LUZP2: variants seen among roughly 807,000 people sequenced by gnomAD.
LUZP2 encodes leucine zipper protein 2.
Under a neutral mutation model 51.6 loss-of-function variants are expected in LUZP2, and 52 were observed. The ratio of observed to expected loss-of-function variants is 1.01; its 90% CI spans 0.81 to 1.27. The LOEUF (loss-of-function observed/expected upper bound fraction) is 1.27. Among genes scored for constraint, LUZP2 ranks in the 50% most tolerant of loss-of-function variants. The probability of loss-of-function intolerance (pLI) is 0.00; values close to 1 mark genes in which losing one functional copy is unlikely to be tolerated. For synonymous variants in LUZP2, 154 were observed against 137.3 expected (o/e 1.12, Z -0.85); for missense variants, 436 against 395.4 (o/e 1.10, Z -0.87).
At chr11:25,051,619 G>A (rs1321443501) in intron 10 of LUZP2, among the ~76,000 whole-genome samples, 1 of 152,136 alleles carries the variant, frequency 6.6e-6, no homozygotes, top group East Asian at 1.9e-4. Context: ...TGTGCTTACA[G>A]CAATCATTGA....
At chr11:24,566,329 T>TATTTATTTA (rs369179171) in intron 1 of LUZP2, among the ~76,000 whole-genome samples, 3 of 130,028 alleles carry the variant, frequency 2.3e-5, no homozygotes, top group Admixed American at 1.5e-4. Flanking sequence ...TTTATTTATT[T>TATTTATTTA]TTTTTTTTTT....
intron 1 of LUZP2, among the ~76,000 whole-genome samples, chr11:24,521,914 C>T: frequency 6.6e-6 from 1 of 151,880 alleles, no homozygotes; most frequent in Middle Eastern, 3.2e-3. Flanking sequence ...TTTTCTTTGA[C>T]CACTGATTTG....
At chr11:24,526,886 TAA>T (rs1424159965) in intron 1 of LUZP2, among the ~76,000 whole-genome samples, 2 of 151,448 alleles carry the variant, frequency 1.3e-5, no homozygotes, top group East Asian at 3.9e-4. Context: ...AGAAAATACT[TAA>T]AGAGTTCATA....
chr11:24,694,672 C>A (rs556655048), intron 1 of LUZP2, among the ~76,000 whole-genome samples: 5 of 152,090 alleles, frequency 3.3e-5, no homozygotes, highest in African/African-American at 1.2e-4. Flanking sequence ...GAACTAACCC[C>A]AATGCCCATC....
chr11:24,870,522 A>G (rs1852035947), intron 5 of LUZP2, among the ~76,000 whole-genome samples: 1 of 146,316 alleles, frequency 6.8e-6, no homozygotes, highest in Non-Finnish European at 1.5e-5. Flanking sequence ...CTTCCTTGTG[A>G]TACTGAGAGC....
intron 5 of LUZP2, among the ~76,000 whole-genome samples, chr11:24,859,552 G>A (rs1254247958): frequency 6.8e-6 from 1 of 147,346 alleles, no homozygotes; most frequent in Non-Finnish European, 1.5e-5. Flanking sequence ...CTGGAGGGGT[G>A]GGACCAAAAT....
At chr11:24,545,068 G>A (rs1039975579) in intron 1 of LUZP2, among the ~76,000 whole-genome samples, 2 of 151,214 alleles carry the variant, frequency 1.3e-5, no homozygotes, top group Admixed American at 6.6e-5. Flanking sequence ...GTGACTTTTG[G>A]GCACATGTAT....
At chr11:24,637,845 G>C (rs1855156636) in intron 1 of LUZP2, among the ~76,000 whole-genome samples, 1 of 151,790 alleles carries the variant, frequency 6.6e-6, no homozygotes, top group Non-Finnish European at 1.5e-5. Flanking sequence ...TTTACCTTTT[G>C]CCTTGTGATC....
intron 9 of LUZP2, among the ~76,000 whole-genome samples, chr11:24,991,396 G>GTATA (rs58483878): frequency 1.0e-4 from 13 of 124,976 alleles, no homozygotes; most frequent in Admixed American, 3.6e-4. Context: ...GTGTGTGTGT[G>GTATA]TATATATATA....
intron 1 of LUZP2, among the ~76,000 whole-genome samples, chr11:24,535,520 A>G (rs888846176): frequency 6.6e-6 from 1 of 151,600 alleles, no homozygotes; most frequent in Non-Finnish European, 1.5e-5. Context: ...AGTAGATTCC[A>G]TCTCAAGAAA....
At chr11:24,741,524 A>T (rs1439136255) in intron 4 of LUZP2, among the ~76,000 whole-genome samples, 1 of 151,854 alleles carries the variant, frequency 6.6e-6, no homozygotes, top group Non-Finnish European at 1.5e-5. Flanking sequence ...GCCAAGCAGT[A>T]TACACTGCAT....
intron 5 of LUZP2, among the ~76,000 whole-genome samples, chr11:24,819,101 G>A (rs546087745): frequency 6.6e-5 from 10 of 152,150 alleles, no homozygotes; most frequent in South Asian, 4.1e-4. Flanking sequence ...TCAGGAGTTG[G>A]CGACTCTGAG....
chr11:24,715,521 A>G (rs780160502), intron 1 of LUZP2, among the ~76,000 whole-genome samples: 3 of 152,278 alleles, frequency 2.0e-5, no homozygotes, highest in Non-Finnish European at 2.9e-5. Context: ...TATAATTTGC[A>G]TGAACACAAC....
At chr11:24,846,942 T>A (rs1441252241) in intron 5 of LUZP2, among the ~76,000 whole-genome samples, 1 of 151,742 alleles carries the variant, frequency 6.6e-6, no homozygotes, top group African/African-American at 2.4e-5. Flanking sequence ...TACATACATA[T>A]ATACACATAT....
At chr11:24,823,310 CAAGTCTTGGTGTGTTTT>C (rs1850416168) in intron 5 of LUZP2, among the ~76,000 whole-genome samples, 1 of 147,800 alleles carries the variant, frequency 6.8e-6, no homozygotes, top group South Asian at 2.1e-4. Context: ...ACTGAGGTTT[CAAGTCTTGGTGTGTTTT>C]AGGAATGTCT....
chr11:24,763,478 C>A (rs1286816863), intron 5 of LUZP2, among the ~76,000 whole-genome samples, 170 bp downstream of exon 5: 2 of 151,914 alleles, frequency 1.3e-5, no homozygotes, highest in African/African-American at 4.8e-5. Flanking sequence ...GTAGATAATC[C>A]TTACGTTTAT....
chr11:24,704,477 A>G lies in LUZP2; in HGVS notation c.63-24692A>G, dbSNP rs111361257. 4.0e-5 allele frequency among the ~76,000 whole-genome samples: 6 copies of G among 151,860 alleles called. 1 individual carries two copies. The highest frequency in any genetic ancestry group is 1.2e-4 in the African/African-American group (5 of 41,480). On this transcript the variant is annotated intron_variant, in intron 1 of 11. Transcript: ENST00000336930. ...AAAAACAGGATTACGGAGGAGTAAC[A>G]TGCTTTGACATATTTTTGTGTGTAT...
At position 25,045,167 on chromosome 11, in the gene LUZP2, C is replaced by G. The variant is rs546106814; in HGVS notation, c.766-4871C>G. The stretch of plus-strand genomic sequence containing the variant: ...GCACATGTATACATATGTAACAAAC[C>G]TGCACGTTGTGCACATGTGCCCTAA... On this transcript the variant is annotated intron_variant, in intron 9 of 11. Transcript: ENST00000336930. Among the ~76,000 whole-genome samples, 127 of 151,646 alleles carry G rather than the reference C, an allele frequency of 8.4e-4. 2 individuals carry two copies. The highest frequency in any genetic ancestry group is 3.0e-3 in the African/African-American group (126 of 41,342).
intron 1 of LUZP2, among the ~76,000 whole-genome samples, chr11:24,630,120 A>G (rs1319417308): frequency 1.3e-5 from 2 of 151,502 alleles, no homozygotes; most frequent in South Asian, 2.1e-4. Flanking sequence ...TATTGTAAAT[A>G]TTTTCTTGCA....
Sources: allele counts gnomAD v4.1 joint callset (sites outside exome capture counted in the v4.1 genomes callset), GRCh38; gene constraint gnomAD v4.1.1; transcripts MANE v1.5; gene names NCBI Gene and HGNC (gene_info 2026-07-23, HGNC 2026-07-21).